The following CACNA2D3 variants were observed in gnomAD, a reference collection of about 807,000 sequenced individuals.
The protein encoded by CACNA2D3 is calcium voltage-gated channel auxiliary subunit alpha2delta 3.
In CACNA2D3, 60 loss-of-function variants were observed where a neutral mutation model predicts 160.6. The observed-to-expected ratio is 0.37, with a 90% CI of 0.30 to 0.46. The LOEUF is 0.46. Ranked by LOEUF, CACNA2D3 falls within the 20% of genes least tolerant of loss-of-function variation. The pLI is 1.00. For synonymous variants in CACNA2D3, 558 were observed against 492.9 expected, an observed-to-expected ratio of 1.13 and a Z score of -1.75; for missense variants, 1,205 against 1,365.0, an observed-to-expected ratio of 0.88 and a Z score of 1.85.
intron 9 of CACNA2D3, among the ~76,000 whole-genome samples, chr3:54,592,837 A>G (rs1215422072): frequency 2.0e-5 from 3 of 152,236 alleles, no homozygotes; most frequent in Non-Finnish European, 2.9e-5. Context: ...ATAAACTAAC[A>G]AAAGTACACA....
chr3:54,199,404 C>T lies in CACNA2D3; in HGVS notation c.204+75810C>T, dbSNP rs536068298. Among the ~76,000 whole-genome samples the T allele has an allele frequency of 2.0e-5, 3 of 152,260 alleles. No homozygotes were observed. In the South Asian group the frequency reaches 6.2e-4, roughly 32 times the overall value. ...TTTTTGAGACAGGGTCTTACCATCACCCAGGCTGGAGTGCAGTGGTGTGGT... is the reference window on the plus strand; with the variant it reads ...TTTTTGAGACAGGGTCTTACCATCATCCAGGCTGGAGTGCAGTGGTGTGGT... On this transcript the variant is annotated intron_variant, in intron 2 of 37. Coordinates refer to ENST00000474759, the MANE Select transcript of CACNA2D3 (RefSeq NM_018398.3).
chr3:54,917,303 T>G (rs1398975098), intron 27 of CACNA2D3, among the ~76,000 whole-genome samples: 1 of 152,222 alleles, frequency 6.6e-6, no homozygotes, highest in Non-Finnish European at 1.5e-5. Context: ...CAAGACCATG[T>G]CTGTGGAGTA....
Position 54,951,955 on chromosome 3 carries a change from TC to T in CACNA2D3, c.2450-16494del, listed in dbSNP as rs374872111. On this transcript the variant is annotated intron_variant, in intron 27 of 37. Coordinates refer to ENST00000474759, the MANE Select transcript of CACNA2D3 (RefSeq NM_018398.3). ...CCTCCCTACCCCAGGTTCAAATGAT[TC>T]TCCTGCCTCAGCCTCCCAAGTAGCC... 4.6e-3 allele frequency among the ~76,000 whole-genome samples: 693 copies of T among 152,230 alleles called. 6 individuals are homozygous for T. The highest frequency in any genetic ancestry group is 0.01 in the Middle Eastern group (3 of 294).
intron 21 of CACNA2D3, among the ~76,000 whole-genome samples, chr3:54,883,829 T>TCTCC (rs1553904222): frequency 2.0e-4 from 29 of 145,704 alleles, no homozygotes; most frequent in South Asian, 4.4e-4. Flanking sequence ...CTCTCCTCTC[T>TCTCC]CTCCCTTCAA....
intron 4 of CACNA2D3, among the ~76,000 whole-genome samples, chr3:54,448,891 A>G (rs181576211): frequency 7.2e-5 from 11 of 152,360 alleles, no homozygotes; most frequent in Non-Finnish European, 1.5e-4. Flanking sequence ...GTGCAGAGAT[A>G]GGTTCATCTT....
chr3:54,216,535 A>G lies in CACNA2D3; in HGVS notation c.204+92941A>G, dbSNP rs144692709. ...CTGTGAGCACCAAAGTGCGAGGCCT[A>G]TAGTGGAACTGATAGAGTAATATCA... On this transcript the variant is annotated intron_variant, in intron 2 of 37. Transcript: ENST00000474759. 8.1e-3 allele frequency among the ~76,000 whole-genome samples: 1,235 copies of G among 152,348 alleles called. 7 individuals are homozygous for G. The highest frequency in any genetic ancestry group is 0.013 in the Non-Finnish European group (916 of 68,018).
At chr3:54,889,945 G>GT (rs1700018794) in intron 24 of CACNA2D3, among the ~76,000 whole-genome samples, 1 of 152,180 alleles carries the variant, frequency 6.6e-6, no homozygotes, top group African/African-American at 2.4e-5. Flanking sequence ...TCCACCATCT[G>GT]TAACTGATTG....
In CACNA2D3 at chr3:54,554,783, C is replaced by T. The variant is rs1010092364; in HGVS notation, c.545-8017C>T. Among the ~76,000 whole-genome samples, 6 of 152,020 alleles carry T rather than the reference C, an allele frequency of 3.9e-5. No individual in the cohort carries two copies. In the East Asian group the frequency reaches 1.2e-3, roughly 29 times the overall value. On this transcript the variant is annotated intron_variant, in intron 5 of 37. Transcript: ENST00000474759. ...CTGCCGTGCTGCTGTTCAGGTGCTACCCAGCAACCCTGATGTGGAGAACAT... is the reference window on the plus strand; with the variant it reads ...CTGCCGTGCTGCTGTTCAGGTGCTATCCAGCAACCCTGATGTGGAGAACAT...
At chr3:54,578,844 C>T (rs78841893) in intron 8 of CACNA2D3, among the ~76,000 whole-genome samples, 13,385 of 152,278 alleles carry the variant, frequency 0.088, 814 homozygotes, top group South Asian at 0.24. Context: ...CTGGAGCCCC[C>T]ACAAGTATAG....
intron 5 of CACNA2D3, among the ~76,000 whole-genome samples, chr3:54,541,093 T>C (rs138608602): frequency 0.019 from 2,918 of 151,792 alleles, 77 homozygotes; most frequent in East Asian, 0.13. Flanking sequence ...CTGGCTAACA[T>C]GGTGAAACCC....
At chr3:54,444,544 T>C (rs760605379) in intron 4 of CACNA2D3, among the ~76,000 whole-genome samples, 9 of 152,214 alleles carry the variant, frequency 5.9e-5, no homozygotes, top group African/African-American at 1.2e-4. Context: ...TTTTGGTTTC[T>C]TGTACTTTTC....
At chr3:54,508,654 G>A (rs1044775591) in intron 5 of CACNA2D3, among the ~76,000 whole-genome samples, 3 of 152,316 alleles carry the variant, frequency 2.0e-5, no homozygotes, top group African/African-American at 7.2e-5. Flanking sequence ...CCCCAGTAAC[G>A]GAGGACATCC....
intron 2 of CACNA2D3, among the ~76,000 whole-genome samples, chr3:54,164,035 A>C (rs1700401373): frequency 6.6e-6 from 1 of 152,230 alleles, no homozygotes; most frequent in Non-Finnish European, 1.5e-5. Context: ...GGAGATGGCC[A>C]GCCACGCGGT....
chr3:54,244,790 G>T (rs1702040715), intron 2 of CACNA2D3, among the ~76,000 whole-genome samples: 1 of 152,212 alleles, frequency 6.6e-6, no homozygotes, highest in Non-Finnish European at 1.5e-5. Flanking sequence ...TTTGGAACCT[G>T]TGTTTACAGT....
intron 23 of CACNA2D3, 62 bp from the exon 24 acceptor site, chr3:54,887,897 G>A: frequency 1.0e-5 from 13 of 1,257,836 alleles, no homozygotes; most frequent in Non-Finnish European, 1.5e-5. Flanking sequence ...GAGCCCATGA[G>A]TGCCTCTCAT....
chr3:55,063,582 G>A (rs1704565396), intron 35 of CACNA2D3, among the ~76,000 whole-genome samples: 1 of 152,184 alleles, frequency 6.6e-6, no homozygotes, highest in Non-Finnish European at 1.5e-5. Context: ...GCAGCATGGT[G>A]CACTCAGGGG....
In CACNA2D3 at chr3:54,846,341, A is replaced by T. The variant is rs562825369; in HGVS notation, c.1552-52A>T. The stretch of plus-strand genomic sequence containing the variant: ...ATGCCGGGCTGCTTTATGCTTTGTG[A>T]ATTCACCAGGGAGCAAGCTAATGAA... On this transcript the variant is annotated intron_variant, in intron 16 of 37. Coordinates refer to ENST00000474759, the MANE Select transcript of CACNA2D3 (RefSeq NM_018398.3). 17 of 1,224,512 alleles carry T rather than the reference A, an allele frequency of 1.4e-5. No homozygotes were observed. The African/African-American group carries it at 2.5e-4, about 18-fold the overall frequency. The allele number at this position is 1,224,512 out of a possible 1,614,324, so 75.9% of individuals were successfully genotyped here.
intron 29 of CACNA2D3, among the ~76,000 whole-genome samples, chr3:54,975,393 C>T (rs761291948): frequency 6.6e-6 from 1 of 151,958 alleles, no homozygotes; most frequent in Non-Finnish European, 1.5e-5. Flanking sequence ...GGGGTGTGCA[C>T]CTGTAGTCTC....
chr3:54,231,540 A>G (rs949397355), intron 2 of CACNA2D3, among the ~76,000 whole-genome samples: 1 of 152,198 alleles, frequency 6.6e-6, no homozygotes, highest in Non-Finnish European at 1.5e-5. Flanking sequence ...GGCCAGCCTC[A>G]TGAGCATTAG....
Sources: allele counts gnomAD v4.1 joint callset (sites outside exome capture counted in the v4.1 genomes callset), GRCh38; gene constraint gnomAD v4.1.1; transcripts MANE v1.5; gene names NCBI Gene and HGNC (gene_info 2026-07-23, HGNC 2026-07-21).